Variants in DMD observed in about 807,000 individuals in gnomAD.
DMD encodes the protein dystrophin, also known as mutant dystrophin.
A neutral mutation model predicts 330.1 loss-of-function variants in DMD; 63 were observed. The ratio of observed to expected loss-of-function variants is 0.19; its 90% CI spans 0.16 to 0.24. The LOEUF (loss-of-function observed/expected upper bound fraction) is 0.24. Among genes scored for constraint, DMD ranks in the 10% least tolerant of loss-of-function variants. DMD has a pLI of 1.00. For synonymous variants in DMD, 1,223 were observed against 959.8 expected (o/e 1.27, Z -5.07); for missense variants, 3,344 against 2,684.1 (o/e 1.25, Z -5.43).
intron 55 of DMD, among the ~76,000 whole-genome samples, chrX:31,526,836 A>T (rs1187877109): frequency 8.9e-6 from 1 of 112,414 alleles, no homozygotes; most frequent in Non-Finnish European, 1.9e-5. Flanking sequence ...GGGGCTGGGC[A>T]TGGTGGCTCA....
chrX:32,821,605 A>G (rs1235711259), intron 5 of DMD, among the ~76,000 whole-genome samples: 3 of 108,996 alleles, frequency 2.8e-5, no homozygotes, highest in Non-Finnish European at 3.8e-5. Context: ...AAATAAAAAA[A>G]AATAAAAATA....
chrX:31,477,084 A>ATT (rs1354800040), intron 59 of DMD, among the ~76,000 whole-genome samples: 2 of 112,150 alleles, frequency 1.8e-5, no homozygotes, highest in African/African-American at 6.5e-5. Context: ...TGGTTTCAGA[A>ATT]TAGTTGCATT....
intron 52 of DMD, among the ~76,000 whole-genome samples, chrX:31,694,857 A>C (rs2083357039): frequency 9.2e-6 from 1 of 108,713 alleles, no homozygotes; most frequent in Non-Finnish European, 1.9e-5. Context: ...TAAAGACAGT[A>C]TGAATGTTTC....
At chrX:32,598,040 G>T (rs1023947094) in intron 12 of DMD, among the ~76,000 whole-genome samples, 1 of 111,944 alleles carries the variant, frequency 8.9e-6, no homozygotes, top group Non-Finnish European at 1.9e-5. Context: ...CAGGTGGAAG[G>T]GAACTTATTA....
intron 64 of DMD, among the ~76,000 whole-genome samples, chrX:31,211,897 G>T (rs1316710140): frequency 9.0e-6 from 1 of 111,387 alleles, no homozygotes; most frequent in Non-Finnish European, 1.9e-5. Flanking sequence ...GAGCTATTTT[G>T]AAAAAATTTC....
At chrX:32,041,108 T>C (rs1331067158) in intron 44 of DMD, among the ~76,000 whole-genome samples, 1 of 111,799 alleles carries the variant, frequency 8.9e-6, no homozygotes, top group East Asian at 2.8e-4. Flanking sequence ...AGGGGTCATG[T>C]CCATCCATTC....
intron 63 of DMD, among the ~76,000 whole-genome samples, chrX:31,254,232 T>G (rs976408190): frequency 8.0e-5 from 9 of 112,237 alleles, no homozygotes; most frequent in African/African-American, 2.9e-4. Flanking sequence ...TAAACTGGTC[T>G]TCTTGTACTA....
At chrX:31,144,078 CA>C (rs1569336796) in intron 76 of DMD, among the ~76,000 whole-genome samples, 1 of 111,623 alleles carries the variant, frequency 9.0e-6, no homozygotes. Flanking sequence ...TAACCTCAAA[CA>C]TATCCTTTTC....
intron 54 of DMD, among the ~76,000 whole-genome samples, chrX:31,642,849 T>C (rs1044912931): frequency 8.9e-6 from 1 of 112,138 alleles, no homozygotes; most frequent in Non-Finnish European, 1.9e-5. Context: ...GAAAGTTTAA[T>C]TGACACAGGA....
intron 2 of DMD, among the ~76,000 whole-genome samples, chrX:32,857,455 G>T (rs1193567772): frequency 8.9e-6 from 1 of 112,131 alleles, no homozygotes; most frequent in African/African-American, 3.2e-5. Context: ...CCATTAAAAT[G>T]ATGTGTTTTT....
chrX:31,474,228 C>T (rs1258498598), intron 59 of DMD, among the ~76,000 whole-genome samples: 1 of 111,580 alleles, frequency 9.0e-6, no homozygotes, highest in East Asian at 2.8e-4. Flanking sequence ...ATTGTTGTTT[C>T]ACCCATTCTT....
intron 1 of DMD, among the ~76,000 whole-genome samples, chrX:33,199,118 G>T (rs2051123903): frequency 1.8e-5 from 2 of 111,219 alleles, no homozygotes. Flanking sequence ...GCAACCAAGA[G>T]AAACTACTAA....
chrX:31,922,525 T>TGTGTGTGTGTGTGCGC (rs773093542), intron 47 of DMD, among the ~76,000 whole-genome samples: 1 of 106,361 alleles, frequency 9.4e-6, no homozygotes, highest in Non-Finnish European at 2.0e-5. Context: ...TGTGTGTGTG[T>TGTGTGTGTGTGTGCGC]GCGCGCGCGT....
Position 33,025,819 on chromosome X carries a change from A to G in DMD, c.32-5619T>C, listed in dbSNP as rs778372027. Among the ~76,000 whole-genome samples, 13 of 111,825 alleles carry G rather than the reference A, an allele frequency of 1.2e-4. No homozygotes were observed. In the South Asian group the frequency reaches 4.9e-3, roughly 42 times the overall value. The stretch of plus-strand genomic sequence containing the variant: ...ATCAATCCTTCTGTCTCAGCCTCCC[A>G]AAGTGCTAGGACTACAGGCATGAGC... On this transcript the variant is annotated intron_variant, in intron 1 of 78. Coordinates refer to ENST00000357033, the MANE Select transcript of DMD (RefSeq NM_004006.3).
chrX:31,341,200 C>T (rs2057708414), intron 61 of DMD, among the ~76,000 whole-genome samples: 1 of 111,983 alleles, frequency 8.9e-6, no homozygotes, highest in African/African-American at 3.2e-5. Flanking sequence ...ATGTTCCAGG[C>T]ACTACTCTAA....
At chrX:31,328,269 G>A (rs932386660) in intron 61 of DMD, among the ~76,000 whole-genome samples, 2 of 110,239 alleles carry the variant, frequency 1.8e-5, no homozygotes, top group African/African-American at 6.9e-5. Flanking sequence ...TTGATTAAAG[G>A]CTATGAATGT....
At chrX:32,618,499 G>A in intron 11 of DMD, among the ~76,000 whole-genome samples, 1 of 110,809 alleles carries the variant, frequency 9.0e-6, no homozygotes, top group East Asian at 2.8e-4. Context: ...CAACAGACAT[G>A]GGGCCTATTG....
chrX:31,541,042 AT>A (rs1334796903), intron 55 of DMD, among the ~76,000 whole-genome samples: 1 of 111,457 alleles, frequency 9.0e-6, no homozygotes, highest in Non-Finnish European at 1.9e-5. Context: ...TCATTGATTA[AT>A]TTCTTCAATA....
chrX:32,198,651 TTTGTC>T (rs2097018136), intron 44 of DMD, among the ~76,000 whole-genome samples: 1 of 111,749 alleles, frequency 8.9e-6, no homozygotes, highest in Non-Finnish European at 1.9e-5. Flanking sequence ...TTGAACCAGT[TTTGTC>T]TTCCTACCAG....
Sources: allele counts gnomAD v4.1 joint callset (sites outside exome capture counted in the v4.1 genomes callset), GRCh38; gene constraint gnomAD v4.1.1; transcripts MANE v1.5; gene names NCBI Gene and HGNC (gene_info 2026-07-23, HGNC 2026-07-21).